RAP1GAP2: variants seen among roughly 807,000 people sequenced by gnomAD.
RAP1GAP2 encodes RAP1 GTPase activating protein 2.
A neutral mutation model predicts 95.0 loss-of-function variants in RAP1GAP2; 27 were observed. The ratio of observed to expected loss-of-function variants is 0.28; its 90% CI spans 0.21 to 0.39. The LOEUF is 0.39. RAP1GAP2 is among the 10% of genes least tolerant of loss of function. The pLI is 1.00. For missense variants in RAP1GAP2, 771 were observed against 970.0 expected (o/e 0.79, Z 2.72); for synonymous variants, 373 against 380.9 (o/e 0.98, Z 0.24).
chr17:2,940,050 G>A (rs1490951815), intron 3 of RAP1GAP2, among the ~76,000 whole-genome samples: 3 of 152,224 alleles, frequency 2.0e-5, no homozygotes, highest in South Asian at 2.1e-4. Flanking sequence ...AGGCCCTGGC[G>A]GGAGATGGAT....
intron 12 of RAP1GAP2, among the ~76,000 whole-genome samples, chr17:2,992,220 G>T (rs1278070256): frequency 6.6e-6 from 1 of 150,750 alleles, no homozygotes; most frequent in Non-Finnish European, 1.5e-5. Flanking sequence ...GAATGCAGTG[G>T]TGCGATCTTG....
upstream of RAP1GAP2, among the ~76,000 whole-genome samples, chr17:2,775,047 G>T (rs72817350): frequency 0.086 from 12,888 of 150,656 alleles, 839 homozygotes; most frequent in East Asian, 0.32. Context: ...GACCAGGTTG[G>T]CCTTGAACTC....
intron 2 of RAP1GAP2, among the ~76,000 whole-genome samples, chr17:2,805,167 T>C (rs1036356690): frequency 2.6e-5 from 4 of 152,148 alleles, no homozygotes; most frequent in African/African-American, 9.7e-5. Flanking sequence ...GCCCATCACA[T>C]GCAGGTGGAA....
At position 3,029,399 on chromosome 17, in the gene RAP1GAP2, C is replaced by A. The variant is rs1165119350; in HGVS notation, c.2108-1523C>A. Among the ~76,000 whole-genome samples, 1 of 152,138 alleles carries A rather than the reference C, an allele frequency of 6.6e-6. No homozygotes were observed. On this transcript the variant is annotated intron_variant, in intron 22 of 24. Transcript: ENST00000254695. This position sits in a 1 kb window ranked among gnomAD's most constrained non-coding sequence, Gnocchi z 4.4. ...AACCCCGATGGGCTGCTTTTCACCC[C>A]CAGCCCACGAAAGATGTGCTTGGTA...
chr17:2,869,897 G>A (rs1157312622), intron 2 of RAP1GAP2, among the ~76,000 whole-genome samples: 2 of 152,348 alleles, frequency 1.3e-5, no homozygotes, highest in South Asian at 2.1e-4. Context: ...AGTGGCCCAG[G>A]TGGAACGTGG....
intron 2 of RAP1GAP2, among the ~76,000 whole-genome samples, chr17:2,889,967 G>T (rs182869276): frequency 1.4e-5 from 2 of 141,680 alleles, no homozygotes; most frequent in African/African-American, 5.3e-5. Flanking sequence ...CAAGTGATCC[G>T]CCCGCTTTGG....
At chr17:2,884,498 A>T (rs1446305685) in intron 2 of RAP1GAP2, among the ~76,000 whole-genome samples, 1 of 148,600 alleles carries the variant, frequency 6.7e-6, no homozygotes, top group Non-Finnish European at 1.5e-5. Context: ...TCAGCCTCCC[A>T]AGTAGCTGGG....
At position 2,858,501 on chromosome 17, in the gene RAP1GAP2, C is replaced by G. The variant is rs577761164; in HGVS notation, c.81-46783C>G. Among the ~76,000 whole-genome samples the G allele has an allele frequency of 2.0e-5, 3 of 152,250 alleles. No homozygotes were observed. The East Asian group carries it at 5.8e-4, about 29-fold the overall frequency. Reference sequence around the variant, plus strand: ...TTTCAGCCATTATCAACTTACGGCCCCAATCTTGTTTCATTTATGTACCAA... The same window carrying G: ...TTTCAGCCATTATCAACTTACGGCCGCAATCTTGTTTCATTTATGTACCAA... On this transcript the variant is annotated intron_variant, in intron 2 of 24. Coordinates refer to ENST00000254695, the MANE Select transcript of RAP1GAP2 (RefSeq NM_015085.5).
chr17:2,824,689 G>A (rs1283900573), intron 2 of RAP1GAP2, among the ~76,000 whole-genome samples: 3 of 146,566 alleles, frequency 2.0e-5, no homozygotes, highest in Non-Finnish European at 1.5e-5. Context: ...GCAGTGAGCC[G>A]AGATTGCGCC....
At chr17:2,783,162 T>C (rs1380170233) in intron 1 of RAP1GAP2, among the ~76,000 whole-genome samples, 1 of 152,176 alleles carries the variant, frequency 6.6e-6, no homozygotes, top group Non-Finnish European at 1.5e-5. Flanking sequence ...GTTCTTCTGC[T>C]GTTCCCTCCG....
chr17:2,766,433 C>T (rs930142277), intron 1 of RAP1GAP2, among the ~76,000 whole-genome samples: 1 of 151,938 alleles, frequency 6.6e-6, no homozygotes, highest in South Asian at 2.1e-4. Context: ...GTCAGGAGTT[C>T]GAGACCAGCT....
chr17:2,765,916 C>T (rs1030711806), intron 1 of RAP1GAP2, among the ~76,000 whole-genome samples: 1 of 151,970 alleles, frequency 6.6e-6, no homozygotes, highest in African/African-American at 2.4e-5. Flanking sequence ...TTGCAGTGAG[C>T]CAAGATTGCA....
intron 17 of RAP1GAP2, among the ~76,000 whole-genome samples, chr17:3,009,886 C>T (rs926888138): frequency 2.0e-5 from 3 of 151,978 alleles, no homozygotes; most frequent in Non-Finnish European, 4.4e-5. Flanking sequence ...GTGTGAGATG[C>T]GGTAAACAGG....
intron 2 of RAP1GAP2, among the ~76,000 whole-genome samples, chr17:2,831,755 T>G (rs1022989569): frequency 2.6e-5 from 4 of 151,820 alleles, no homozygotes; most frequent in Non-Finnish European, 5.9e-5. Context: ...AAAAATTAGA[T>G]GTGGTGGTGC....
At chr17:2,846,009 G>A (rs545195687) in intron 2 of RAP1GAP2, among the ~76,000 whole-genome samples, 352 of 151,740 alleles carry the variant, frequency 2.3e-3, no homozygotes, top group African/African-American at 8.3e-3. Flanking sequence ...TGGTGAAACC[G>A]AGTCTCTACT....
intron 1 of RAP1GAP2, among the ~76,000 whole-genome samples, chr17:2,781,880 CTG>C (rs1216073693): frequency 2.6e-5 from 4 of 151,846 alleles, no homozygotes; most frequent in Non-Finnish European, 5.9e-5. Flanking sequence ...GTGCACGTCT[CTG>C]TGTGTGCACG....
intron 1 of RAP1GAP2, among the ~76,000 whole-genome samples, chr17:2,780,416 A>G (rs577932766): frequency 6.6e-5 from 10 of 152,280 alleles, no homozygotes; most frequent in African/African-American, 2.2e-4. Context: ...CCCGTTTGAC[A>G]GGGGAGGAGT....
chr17:2,851,901 A>G (rs1250629215), intron 2 of RAP1GAP2, among the ~76,000 whole-genome samples: 3 of 152,118 alleles, frequency 2.0e-5, no homozygotes, highest in Non-Finnish European at 2.9e-5. Context: ...GACCTGAACT[A>G]GCTCCCACAC....
intron 8 of RAP1GAP2, among the ~76,000 whole-genome samples, chr17:2,970,614 T>G (rs1392166870): frequency 1.3e-5 from 2 of 152,222 alleles, no homozygotes; most frequent in African/African-American, 4.8e-5. Flanking sequence ...TAGTGTTGTT[T>G]AAATTTATAA....
Sources: allele counts gnomAD v4.1 joint callset (sites outside exome capture counted in the v4.1 genomes callset), GRCh38; gene constraint gnomAD v4.1.1; non-coding constraint Gnocchi (gnomAD v3.1); transcripts MANE v1.5; gene names NCBI Gene and HGNC (gene_info 2026-07-23, HGNC 2026-07-21).